UBR1: variants seen among roughly 807,000 people sequenced by gnomAD.
UBR1 encodes ubiquitin protein ligase E3 component n-recognin 1.
In UBR1, 102 loss-of-function variants were observed where a neutral mutation model predicts 242.1. The observed-to-expected ratio is 0.42, with a 90% confidence interval of 0.36 to 0.50. The LOEUF is 0.50. UBR1 is among the 20% of genes least tolerant of loss of function. UBR1 has a pLI of 0.01. For synonymous variants in UBR1, 675 were observed against 684.8 expected (o/e 0.99, Z 0.22); for missense variants, 1,772 against 2,101.8 (o/e 0.84, Z 3.07).
intron 33 of UBR1, among the ~76,000 whole-genome samples, chr15:42,994,798 C>T (rs955665869): frequency 4.6e-5 from 7 of 152,150 alleles, no homozygotes; most frequent in African/African-American, 7.2e-5. Flanking sequence ...ATACCACCAC[C>T]TCTCACCATG....
At position 42,945,052 on chromosome 15, in the gene UBR1, T is replaced by C; in HGVS notation, c.*277A>G. ...GACGTGACTTCATCTACCAAGTGGA[T>C]GAAATAAAATGAAATGAGACAAATT... On this transcript the variant is annotated 3_prime_UTR_variant, in exon 47 of 47. Coordinates refer to ENST00000290650, the MANE Select transcript of UBR1 (RefSeq NM_174916.3). The C allele has an allele frequency of 2.4e-6, 1 of 421,528 alleles. No individual in the cohort carries two copies. The highest frequency in any genetic ancestry group is 3.6e-5 in the Admixed American group (1 of 27,466). 26.1% of individuals were successfully genotyped at this position (421,528 alleles called of 1,614,324 possible). A position where few individuals can be genotyped will look rare whatever the true frequency, so the allele number is the denominator to read the frequency against.
chr15:43,043,110 G>A lies in UBR1; in HGVS notation c.1849+105C>T, dbSNP rs908250209. 38 of 1,269,492 alleles carry A rather than the reference G, an allele frequency of 3.0e-5. 1 individual carries two copies. The highest frequency in any genetic ancestry group is 5.5e-5 in the Admixed American group (3 of 54,894). The allele number at this position is 1,269,492 out of a possible 1,614,324, so 78.6% of individuals were successfully genotyped here. On this transcript the variant is annotated intron_variant, in intron 15 of 46. Coordinates refer to ENST00000290650, the MANE Select transcript of UBR1 (RefSeq NM_174916.3). ...TAACTGCAGTATCTGACCTGAGCAT[G>A]TCTGTACATATTGAGCACAGAACAA...
chr15:43,085,496 C>T (rs1026470359), intron 2 of UBR1, among the ~76,000 whole-genome samples: 2 of 151,498 alleles, frequency 1.3e-5, no homozygotes, highest in African/African-American at 4.9e-5. Context: ...CAAACTATAA[C>T]GGTATAATAA....
chr15:43,101,141 T>A (rs2141372951), intron 1 of UBR1, among the ~76,000 whole-genome samples: 1 of 152,210 alleles, frequency 6.6e-6, no homozygotes, highest in East Asian at 1.9e-4. Flanking sequence ...CAGGCCAGGA[T>A]GAGTGAGGAG....
chr15:42,945,607 AT>A (rs11352938), intron 46 of UBR1, 137 bp from the exon 47 acceptor site: 825,338 of 969,886 alleles, frequency 0.85, 355,880 homozygotes, highest in Non-Finnish European at 0.88. Flanking sequence ...AAAAAGGGAT[AT>A]TTTCCCTTCA....
chr15:43,095,370 A>G (rs894408662), intron 1 of UBR1, among the ~76,000 whole-genome samples: 2 of 152,186 alleles, frequency 1.3e-5, no homozygotes, highest in Admixed American at 6.5e-5. Flanking sequence ...AAAGAGAATT[A>G]TATTCAAGTG....
chr15:42,988,619 C>T, intron 35 of UBR1, 200 bp downstream of exon 35: 1 of 691,552 alleles, frequency 1.4e-6, no homozygotes. Context: ...TTGCATATGG[C>T]CACAATCATA....
intron 46 of UBR1, among the ~76,000 whole-genome samples, chr15:42,949,928 T>C (rs1225107033): frequency 6.6e-6 from 1 of 150,470 alleles, no homozygotes; most frequent in Non-Finnish European, 1.5e-5. Context: ...CACTGCAACC[T>C]CCTGGGTTCA....
intron 2 of UBR1, among the ~76,000 whole-genome samples, chr15:43,083,981 T>G (rs1596136935): frequency 6.6e-6 from 1 of 151,538 alleles, no homozygotes; most frequent in African/African-American, 2.4e-5. Context: ...GAGGTGGAGG[T>G]TGCGGGTGAG....
In UBR1 at chr15:42,979,198, TTTC is replaced by T. The variant is rs375103604; in HGVS notation, c.4151-1254_4151-1252del. Reference sequence around the variant, plus strand: ...ATGAGCCACTGTGCCCAACCAATTTTTTCTTTTTTTCTTTTTTTTTTTTTTAGT... The same window carrying T: ...ATGAGCCACTGTGCCCAACCAATTTTTTTTTTTCTTTTTTTTTTTTTTAGT... On this transcript the variant is annotated intron_variant, in intron 37 of 46. Coordinates refer to ENST00000290650, the MANE Select transcript of UBR1 (RefSeq NM_174916.3). 7.8e-3 allele frequency among the ~76,000 whole-genome samples: 1,178 copies of T among 151,380 alleles called. 14 individuals are homozygous for T. The highest frequency in any genetic ancestry group is 0.026 in the African/African-American group (1,062 of 41,242).
intron 6 of UBR1, among the ~76,000 whole-genome samples, chr15:43,064,925 C>A (rs753517995): frequency 2.0e-5 from 3 of 152,128 alleles, no homozygotes; most frequent in Non-Finnish European, 4.4e-5. Flanking sequence ...ACAAAAGGCT[C>A]CATTTTTCTC....
At chr15:42,974,036 C>T (rs535751008) in intron 39 of UBR1, among the ~76,000 whole-genome samples, 1 of 151,742 alleles carries the variant, frequency 6.6e-6, no homozygotes, top group Non-Finnish European at 1.5e-5. Flanking sequence ...CTACAGGCAC[C>T]CGCCACCACG....
intron 6 of UBR1, among the ~76,000 whole-genome samples, chr15:43,061,420 G>A (rs1404248938): frequency 6.6e-6 from 1 of 152,144 alleles, no homozygotes; most frequent in African/African-American, 2.4e-5. Context: ...AAAGATACTT[G>A]CACACGCATG....
intron 3 of UBR1, among the ~76,000 whole-genome samples, chr15:43,076,246 C>T (rs1193874881): frequency 1.1e-4 from 17 of 151,762 alleles, no homozygotes; most frequent in South Asian, 2.1e-4. Flanking sequence ...CCTCCCGAGG[C>T]GCCGGGATTG....
intron 15 of UBR1, among the ~76,000 whole-genome samples, chr15:43,041,580 T>G (rs534362449): frequency 2.9e-4 from 44 of 152,168 alleles, no homozygotes; most frequent in African/African-American, 9.2e-4. Context: ...ACCCTAGAAC[T>G]TAAAGTATAA....
intron 39 of UBR1, among the ~76,000 whole-genome samples, chr15:42,972,732 T>G (rs1466545082): frequency 6.6e-6 from 1 of 152,224 alleles, no homozygotes; most frequent in East Asian, 1.9e-4. Context: ...CTGTAATTTA[T>G]TTATCCACCC....
chr15:43,064,713 A>T (rs1457027779), intron 6 of UBR1, among the ~76,000 whole-genome samples: 2 of 151,852 alleles, frequency 1.3e-5, no homozygotes. Context: ...AGTAGCTGGG[A>T]TTACAGGCAT....
At chr15:43,044,359 C>G (rs1206831963) in intron 14 of UBR1, among the ~76,000 whole-genome samples, 1 of 152,054 alleles carries the variant, frequency 6.6e-6, no homozygotes, top group Non-Finnish European at 1.5e-5. Context: ...AGGGTCTGAA[C>G]TAGGGTGGGG....
At position 42,970,553 on chromosome 15, in the gene UBR1, G is replaced by C; in HGVS notation, c.4424C>G (p.Ser1475Cys). ...ATATTGAGAAATTTCTGCAAAGAAA[G>C]AAGATGCGGAATGAGCCTCTTCACT... ...EDSEEAHSAS[S>C]FFAEISQYTS... The change falls in exon 40 of 47, where the codon TCT becomes TGT. Residue 1475 changes from serine (S) to cysteine (C), a missense_variant. Coordinates refer to ENST00000290650, the MANE Select transcript of UBR1 (RefSeq NM_174916.3). 4.3e-6 allele frequency: 7 copies of C among 1,613,774 alleles called. No individual in the cohort carries two copies. The highest frequency in any genetic ancestry group is 5.9e-6 in the Non-Finnish European group (7 of 1,180,008).
Sources: gnomAD v4.1 joint callset for allele counts (sites outside exome capture counted in the v4.1 genomes callset) on GRCh38, gnomAD v4.1.1 for gene constraint, MANE v1.5 for transcripts, NCBI Gene and HGNC (gene_info 2026-07-23, HGNC 2026-07-21) for gene names.